Variants in PCDH15 observed in about 807,000 individuals in gnomAD.
PCDH15 encodes the protein protocadherin related 15.
PCDH15 carries 129 observed loss-of-function variants against 178.5 expected under a neutral mutation model. The ratio of observed to expected loss-of-function variants is 0.72; its 90% CI spans 0.63 to 0.84. The LOEUF (loss-of-function observed/expected upper bound fraction) is 0.84. Ranked by LOEUF, PCDH15 falls within the 40% of genes least tolerant of loss-of-function variation. The pLI is 0.00. For missense variants in PCDH15, 2,230 were observed against 2,099.9 expected (o/e 1.06, Z -1.21); for synonymous variants, 800 against 732.0 (o/e 1.09, Z -1.50).
intron 1 of PCDH15, among the ~76,000 whole-genome samples, chr10:54,751,063 A>G (rs1028453718): frequency 2.6e-4 from 40 of 152,274 alleles, no homozygotes; most frequent in African/African-American, 9.4e-4. Flanking sequence ...TTTAGCGAGC[A>G]TATGGTCTCT....
chr10:54,263,993 G>A (rs2057502947), intron 8 of PCDH15, among the ~76,000 whole-genome samples: 1 of 152,102 alleles, frequency 6.6e-6, no homozygotes, highest in Admixed American at 6.5e-5. Context: ...CATGCTGGAT[G>A]CTTCCAGTTC....
intron 8 of PCDH15, among the ~76,000 whole-genome samples, chr10:54,305,297 A>G (rs1379291802): frequency 1.3e-5 from 2 of 152,084 alleles, no homozygotes; most frequent in African/African-American, 2.4e-5. Context: ...AGAGAAATAT[A>G]TCTCCTTAGA....
intron 1 of PCDH15, among the ~76,000 whole-genome samples, chr10:55,169,440 A>ACATTT (rs1839274668): frequency 6.6e-6 from 1 of 152,198 alleles, no homozygotes. Flanking sequence ...TTATTTAACT[A>ACATTT]CATTTCAACC....
At chr10:55,502,175 T>A (rs189756623) in intron 2 of PCDH15, among the ~76,000 whole-genome samples, 108 of 151,744 alleles carry the variant, frequency 7.1e-4, no homozygotes, top group African/African-American at 2.5e-3. Flanking sequence ...CTTCTCCTTA[T>A]GGAACTGCCA....
At chr10:54,756,758 C>G (rs996737165) in intron 1 of PCDH15, among the ~76,000 whole-genome samples, 2 of 151,886 alleles carry the variant, frequency 1.3e-5, no homozygotes, top group African/African-American at 4.8e-5. Context: ...ATGGATACTT[C>G]CTTTATAAAT....
At chr10:55,514,031 A>C (rs910833739) in intron 2 of PCDH15, among the ~76,000 whole-genome samples, 1 of 152,076 alleles carries the variant, frequency 6.6e-6, no homozygotes, top group Admixed American at 6.6e-5. Context: ...TTCAAAGGCA[A>C]AACAATTTCT....
At chr10:53,882,599 G>C (rs1028357577) in intron 26 of PCDH15, among the ~76,000 whole-genome samples, 2 of 152,136 alleles carry the variant, frequency 1.3e-5, no homozygotes, top group Non-Finnish European at 2.9e-5. Flanking sequence ...CTGACCTCAA[G>C]TGATCTGCCC....
chr10:55,262,089 G>A (rs1041188490), intron 1 of PCDH15, among the ~76,000 whole-genome samples: 3 of 93,198 alleles, frequency 3.2e-5, no homozygotes, highest in Non-Finnish European at 4.3e-5. Context: ...AAGGAAAGGA[G>A]GAGAGGAGAG....
At chr10:54,017,349 G>C (rs1422531669) in intron 20 of PCDH15, among the ~76,000 whole-genome samples, 1 of 152,110 alleles carries the variant, frequency 6.6e-6, no homozygotes, top group Non-Finnish European at 1.5e-5. Context: ...ATTTATCAAA[G>C]TTTTATGAGT....
At chr10:55,625,239 C>A (rs1837500933) in intron 2 of PCDH15, among the ~76,000 whole-genome samples, 1 of 151,796 alleles carries the variant, frequency 6.6e-6, no homozygotes, top group Non-Finnish European at 1.5e-5. Flanking sequence ...TGCAAATATA[C>A]AAATGATAAA....
chr10:54,126,570 T>C (rs2042007052), intron 15 of PCDH15, among the ~76,000 whole-genome samples: 1 of 152,144 alleles, frequency 6.6e-6, no homozygotes, highest in East Asian at 1.9e-4. Flanking sequence ...AGATACATCT[T>C]TGACATGGTT....
chr10:54,350,478 C>A (rs894616686), intron 5 of PCDH15, among the ~76,000 whole-genome samples: 3 of 152,100 alleles, frequency 2.0e-5, no homozygotes, highest in African/African-American at 7.2e-5. Flanking sequence ...TCATGATCTG[C>A]TCAAATTTCA....
chr10:55,152,311 AATAGGTCCGT>A (rs1838749539), intron 2 of PCDH15, among the ~76,000 whole-genome samples: 1 of 152,026 alleles, frequency 6.6e-6, no homozygotes, highest in African/African-American at 2.4e-5. Flanking sequence ...TGAGTCACAT[AATAGGTCCGT>A]ATAGGTTTTG....
chr10:55,055,490 A>T (rs1488976463), intron 2 of PCDH15, among the ~76,000 whole-genome samples: 1 of 152,140 alleles, frequency 6.6e-6, no homozygotes, highest in African/African-American at 2.4e-5. Flanking sequence ...TTGAAACAAC[A>T]TAATACTCTT....
intron 18 of PCDH15, among the ~76,000 whole-genome samples, chr10:54,033,963 C>T (rs564767126): frequency 1.3e-5 from 2 of 151,240 alleles, no homozygotes; most frequent in African/African-American, 4.9e-5. Flanking sequence ...CCTTCTGTCA[C>T]AGGGCTTTTC....
At chr10:55,617,920 G>A (rs1344032138) in intron 2 of PCDH15, among the ~76,000 whole-genome samples, 1 of 151,894 alleles carries the variant, frequency 6.6e-6, no homozygotes, top group Non-Finnish European at 1.5e-5. Context: ...AGTAGCAAAC[G>A]AGACTGAAGG....
chr10:53,811,368 A>G, intron 36 of PCDH15, among the ~76,000 whole-genome samples, 181 bp downstream of exon 36: 2 of 152,172 alleles, frequency 1.3e-5, no homozygotes, highest in South Asian at 4.1e-4. Flanking sequence ...GGAACTCAAT[A>G]TAGAAAAATG....
intron 2 of PCDH15, among the ~76,000 whole-genome samples, chr10:55,063,491 C>T (rs1397783113): frequency 6.6e-6 from 1 of 152,062 alleles, no homozygotes; most frequent in Non-Finnish European, 1.5e-5. Context: ...ATTTTTCCCT[C>T]ATACTAGTTG....
chr10:55,033,846 T>C (rs866887585), intron 2 of PCDH15, among the ~76,000 whole-genome samples: 46 of 152,120 alleles, frequency 3.0e-4, no homozygotes, highest in African/African-American at 9.7e-4. Context: ...AATGTGATAG[T>C]ATTAAGGGGT....
Sources: allele counts gnomAD v4.1 joint callset (sites outside exome capture counted in the v4.1 genomes callset), GRCh38; gene constraint gnomAD v4.1.1; transcripts MANE v1.5; gene names NCBI Gene and HGNC (gene_info 2026-07-23, HGNC 2026-07-21).